The following ALPK2 variants were observed in gnomAD, a reference collection of about 807,000 sequenced individuals.
ALPK2 encodes the protein alpha-protein kinase 2.
ALPK2 carries 127 observed loss-of-function variants against 163.1 expected under a neutral mutation model. That is an observed-to-expected ratio of 0.78 (90% CI 0.67 to 0.90). The LOEUF (loss-of-function observed/expected upper bound fraction) is 0.90. ALPK2 is among the 40% of genes least tolerant of loss of function. The pLI, the probability that ALPK2 is intolerant of heterozygous loss-of-function variation, is 0.00. For synonymous variants in ALPK2, 953 were observed against 959.1 expected (o/e 0.99, Z 0.12); for missense variants, 2,360 against 2,589.6 (o/e 0.91, Z 1.92).
At chr18:58,594,486 A>T (rs936031985) in intron 3 of ALPK2, among the ~76,000 whole-genome samples, 1 of 152,150 alleles carries the variant, frequency 6.6e-6, no homozygotes, top group African/African-American at 2.4e-5. Context: ...TTAAACTGTA[A>T]ATCTATTCTC....
chr18:58,493,020 A>G (rs1010228739), intron 12 of ALPK2, among the ~76,000 whole-genome samples: 2 of 152,220 alleles, frequency 1.3e-5, no homozygotes, highest in African/African-American at 2.4e-5. Context: ...AAGACTGGCC[A>G]CATAAATCAG....
At chr18:58,526,673 A>T (rs34938297) in intron 6 of ALPK2, among the ~76,000 whole-genome samples, 1 of 152,200 alleles carries the variant, frequency 6.6e-6, no homozygotes, top group Non-Finnish European at 1.5e-5. Flanking sequence ...AAGACATGCC[A>T]CTGCTACACA....
rs568224129 is a variant in ALPK2, at chr18:58,522,489, G to A, written c.5665+1317C>T. Among the ~76,000 whole-genome samples the A allele has an allele frequency of 6.6e-5, 10 of 152,298 alleles. No homozygotes were observed. In the East Asian group the frequency reaches 1.5e-3, roughly 23 times the overall value. On this transcript the variant is annotated intron_variant, in intron 8 of 12. Transcript: ENST00000361673. Reference sequence around the variant, plus strand: ...CTGTGGAAAACTCAGTGGGAGGCCCGGGGACATCACGAGCATTCATGAGCA... The same window carrying A: ...CTGTGGAAAACTCAGTGGGAGGCCCAGGGACATCACGAGCATTCATGAGCA...
intron 12 of ALPK2, among the ~76,000 whole-genome samples, chr18:58,496,074 A>G (rs1468880179): frequency 1.3e-5 from 2 of 152,220 alleles, no homozygotes; most frequent in Non-Finnish European, 2.9e-5. Flanking sequence ...TTCAGGATCA[A>G]TGCTAAAGCG....
At chr18:58,493,393 G>A (rs907210021) in intron 12 of ALPK2, among the ~76,000 whole-genome samples, 1 of 151,978 alleles carries the variant, frequency 6.6e-6, no homozygotes, top group African/African-American at 2.4e-5. Flanking sequence ...GTGTTTCTTC[G>A]GATTAGATTG....
chr18:58,494,784 C>T (rs374969982), intron 12 of ALPK2, among the ~76,000 whole-genome samples: 1 of 152,312 alleles, frequency 6.6e-6, no homozygotes, highest in South Asian at 2.1e-4. Context: ...CTGCAGTCTG[C>T]GATGCTCGCC....
rs142869328 is a variant in ALPK2, at chr18:58,593,303, C to T, written c.228-12755G>A. Among the ~76,000 whole-genome samples, 90 of 152,330 alleles carry T rather than the reference C, an allele frequency of 5.9e-4. 1 individual carries two copies. Among genetic ancestry groups the T allele is most frequent in the African/African-American group, 1.8e-3 (74 of 41,584 alleles). Reference sequence around the variant, plus strand: ...AAAAGGGGCTGGGTGCAGGGGCTCACGCCTGTAGTCCCAGCACTTTGGGAG... The same window carrying T: ...AAAAGGGGCTGGGTGCAGGGGCTCATGCCTGTAGTCCCAGCACTTTGGGAG... On this transcript the variant is annotated intron_variant, in intron 3 of 12. Coordinates refer to ENST00000361673, the MANE Select transcript of ALPK2 (RefSeq NM_052947.4).
At chr18:58,505,172 G>A (rs890392897) in intron 10 of ALPK2, among the ~76,000 whole-genome samples, 2 of 152,164 alleles carry the variant, frequency 1.3e-5, no homozygotes, top group African/African-American at 2.4e-5. Context: ...CAGGGGCAGG[G>A]CAGGGAGACC....
intron 1 of ALPK2, among the ~76,000 whole-genome samples, chr18:58,613,731 A>G (rs2052149061): frequency 6.8e-6 from 1 of 148,114 alleles, no homozygotes; most frequent in Non-Finnish European, 1.5e-5. Flanking sequence ...AATAATAATA[A>G]TAATAATAAT....
intron 8 of ALPK2, among the ~76,000 whole-genome samples, chr18:58,519,243 A>C (rs936021012): frequency 3.9e-5 from 6 of 152,130 alleles, no homozygotes. Flanking sequence ...GTTAAATTTA[A>C]AAATTAGGTG....
At chr18:58,501,999 A>G (rs911953234) in intron 11 of ALPK2, among the ~76,000 whole-genome samples, 5 of 152,004 alleles carry the variant, frequency 3.3e-5, no homozygotes, top group Admixed American at 1.3e-4. Context: ...TTGTGAGTCT[A>G]TAATTATTTC....
chr18:58,581,468 A>G (rs997358752), intron 3 of ALPK2, among the ~76,000 whole-genome samples: 1 of 152,232 alleles, frequency 6.6e-6, no homozygotes, highest in Non-Finnish European at 1.5e-5. Flanking sequence ...CCAGGTTTTC[A>G]GCTTTGGCCC....
In ALPK2 at chr18:58,611,786, G is replaced by T; in HGVS notation, c.12C>A (p.Ser4=). The T allele has an allele frequency of 6.3e-7, 1 of 1,593,236 alleles. No homozygotes were observed. Among genetic ancestry groups the T allele is most frequent in the Non-Finnish European group, 8.5e-7 (1 of 1,172,760 alleles). Residue 4 remains serine (S), a synonymous_variant, in exon 2 of 13, where the codon TCC becomes TCA. Coordinates refer to ENST00000361673, the MANE Select transcript of ALPK2 (RefSeq NM_052947.4). MKD[S]EGPQRPPLCF... ...ACAGCGGGGGCCTCTGGGGCCCTTC[G>T]GAGTCTTTCATCCTTTCATGCCGCA...
At chr18:58,625,702 G>A (rs1453610554) in intron 1 of ALPK2, among the ~76,000 whole-genome samples, 1 of 152,378 alleles carries the variant, frequency 6.6e-6, no homozygotes, top group East Asian at 1.9e-4. Context: ...GAGCAGGATT[G>A]AAAATCAAGT....
At chr18:58,593,834 C>T (rs959281427) in intron 3 of ALPK2, among the ~76,000 whole-genome samples, 1 of 151,704 alleles carries the variant, frequency 6.6e-6, no homozygotes, top group East Asian at 1.9e-4. Context: ...GCCGAGATCG[C>T]ACCATTGCAC....
intron 6 of ALPK2, among the ~76,000 whole-genome samples, chr18:58,526,103 G>A (rs1329742737): frequency 6.6e-6 from 1 of 151,940 alleles, no homozygotes; most frequent in Non-Finnish European, 1.5e-5. Flanking sequence ...TAACCAAGAG[G>A]GTAAGTTCAG....
At chr18:58,547,870 C>T (rs1265597769) in intron 4 of ALPK2, among the ~76,000 whole-genome samples, 1 of 152,164 alleles carries the variant, frequency 6.6e-6, no homozygotes, top group Non-Finnish European at 1.5e-5. Context: ...TGAAACTTTC[C>T]TGCAGATTTC....
At chr18:58,533,263 C>T (rs1005268479) in intron 5 of ALPK2, among the ~76,000 whole-genome samples, 2 of 152,122 alleles carry the variant, frequency 1.3e-5, no homozygotes, top group African/African-American at 4.8e-5. Context: ...GTCCTCTTAC[C>T]CATGGGTAAC....
At chr18:58,547,118 A>G (rs934923436) in intron 4 of ALPK2, among the ~76,000 whole-genome samples, 1 of 145,078 alleles carries the variant, frequency 6.9e-6, no homozygotes, top group Non-Finnish European at 1.5e-5. Flanking sequence ...TTTCTTCCAC[A>G]GTAAAGTAAG....
Sources: gnomAD v4.1 joint callset for allele counts (sites outside exome capture counted in the v4.1 genomes callset) on GRCh38, gnomAD v4.1.1 for gene constraint, MANE v1.5 for transcripts, NCBI Gene and HGNC (gene_info 2026-07-23, HGNC 2026-07-21) for gene names.